The following BLTP2 variants were observed in gnomAD, a reference collection of about 807,000 sequenced individuals.
The protein encoded by BLTP2 is bridge-like lipid transfer protein family member 2, also known as U937-associated antigen.
chr17:28,639,169 G>C, the BLTP2 span: 3 of 787,130 alleles, frequency 3.8e-6, no homozygotes, highest in South Asian at 4.8e-5. Flanking sequence ...TAATGGGAAA[G>C]ATATATAAAA....
At chr17:28,620,183 T>C in the BLTP2 span, 7 of 684,046 alleles carry the variant, frequency 1.0e-5, no homozygotes, top group Non-Finnish European at 1.7e-5. Flanking sequence ...AATGTGGCAA[T>C]GTGGATTTCA....
At chr17:28,641,167 A>G in the BLTP2 span, among the ~76,000 whole-genome samples, 1 of 152,216 alleles carries the variant, frequency 6.6e-6, no homozygotes, top group East Asian at 1.9e-4. Flanking sequence ...GTATACAAAA[A>G]GTCAGCCCTC....
chr17:28,636,830 G>A, the BLTP2 span: 1 of 709,992 alleles, frequency 1.4e-6, no homozygotes, highest in Non-Finnish European at 2.3e-6. Flanking sequence ...CTTGAGCCCA[G>A]TAGTTTAAGA....
chr17:28,635,609 C>G, the BLTP2 span: 1 of 1,604,624 alleles, frequency 6.2e-7, no homozygotes, highest in Non-Finnish European at 8.5e-7. Context: ...CCACACTGAA[C>G]CTTTAGGGAG....
chr17:28,635,362 G>C, the BLTP2 span: 7 of 1,614,214 alleles, frequency 4.3e-6, no homozygotes, highest in Non-Finnish European at 5.9e-6. Flanking sequence ...AGCTACAAAA[G>C]CTGTGAGCTT....
chr17:28,644,905 G>GCC, the BLTP2 span: 1 of 1,185,140 alleles, frequency 8.4e-7, no homozygotes, highest in Non-Finnish European at 1.2e-6. Flanking sequence ...TAAGGCGCGC[G>GCC]CCCCCTCCTC....
the BLTP2 span, chr17:28,637,050 C>T: frequency 6.2e-7 from 1 of 1,614,156 alleles, no homozygotes. Context: ...GGCCTTGCAA[C>T]AGGGTTGCAT....
chr17:28,637,843 G>A, the BLTP2 span: 149 of 1,613,738 alleles, frequency 9.2e-5, 1 homozygote, highest in South Asian at 1.5e-3. Flanking sequence ...TACCAACCAA[G>A]GCAGAAAGGG....
chr17:28,628,461 G>C, the BLTP2 span: 1 of 1,614,126 alleles, frequency 6.2e-7, no homozygotes, highest in Non-Finnish European at 8.5e-7. Flanking sequence ...ATAACCCAAA[G>C]GCAATGTCTC....
At chr17:28,638,669 TG>T in the BLTP2 span, 4 of 1,380,260 alleles carry the variant, frequency 2.9e-6, no homozygotes, top group African/African-American at 1.4e-5. Context: ...CATCATTGTT[TG>T]GTAAGAAAAG....
chr17:28,621,261 C>G, the BLTP2 span: 4 of 1,475,816 alleles, frequency 2.7e-6, no homozygotes, highest in Non-Finnish European at 3.8e-6. Flanking sequence ...ACTCCAGAAA[C>G]ACTGCTTTCA....
the BLTP2 span, chr17:28,639,805 C>T: frequency 6.7e-7 from 1 of 1,503,300 alleles, no homozygotes; most frequent in Non-Finnish European, 9.3e-7. Flanking sequence ...TCCCCAGTTA[C>T]ACTGAGATTA....
the BLTP2 span, chr17:28,640,434 G>A: frequency 1.0e-6 from 1 of 988,498 alleles, no homozygotes; most frequent in Non-Finnish European, 1.6e-6. Flanking sequence ...ACACTACATG[G>A]ATGTAACCAT....
At chr17:28,642,948 G>A in the BLTP2 span, 2 of 1,609,698 alleles carry the variant, frequency 1.2e-6, no homozygotes. Context: ...TCCACCTTGA[G>A]AACCATGATG....
the BLTP2 span, chr17:28,615,069 T>C: frequency 6.2e-7 from 1 of 1,613,260 alleles, no homozygotes; most frequent in South Asian, 1.1e-5. Context: ...CCAAATCATT[T>C]GCGCCTGCCA....
At chr17:28,640,191 G>A in the BLTP2 span, among the ~76,000 whole-genome samples, 1 of 152,176 alleles carries the variant, frequency 6.6e-6, no homozygotes, top group African/African-American at 2.4e-5. Context: ...TCAGGAGATC[G>A]AGACCATCCT....
At chr17:28,634,503 G>C in the BLTP2 span, 3 of 1,601,500 alleles carry the variant, frequency 1.9e-6, no homozygotes, top group South Asian at 3.3e-5. Context: ...GCAAATAAAG[G>C]AAACACTACT....
chr17:28,631,111 A>G, the BLTP2 span, among the ~76,000 whole-genome samples: 3 of 152,178 alleles, frequency 2.0e-5, no homozygotes, highest in East Asian at 1.9e-4. Context: ...CTAACCCCCA[A>G]TGTAACAGTA....
chr17:28,636,972 G>C, the BLTP2 span: 3 of 1,613,898 alleles, frequency 1.9e-6, no homozygotes, highest in Non-Finnish European at 2.5e-6. Flanking sequence ...TACCTCCAGA[G>C]AGCGGATGCT....
Sources: allele counts gnomAD v4.1 joint callset (sites outside exome capture counted in the v4.1 genomes callset), GRCh38; gene constraint gnomAD v4.1.1; transcripts MANE v1.5; gene names NCBI Gene and HGNC (gene_info 2026-07-23, HGNC 2026-07-21).